P2RX4: variants seen among roughly 807,000 people sequenced by gnomAD.
P2RX4 encodes the protein P2X purinoceptor 4.
Under a neutral mutation model 48.0 loss-of-function variants are expected in P2RX4, and 37 were observed. The ratio of observed to expected loss-of-function variants is 0.77; its 90% CI spans 0.59 to 1.01. The LOEUF (loss-of-function observed/expected upper bound fraction) is 1.01. Ranked by LOEUF, P2RX4 falls within the 50% of genes least tolerant of loss-of-function variation. The probability of loss-of-function intolerance (pLI) is 0.00; values close to 1 mark genes in which losing one functional copy is unlikely to be tolerated. For synonymous variants in P2RX4, 200 were observed against 199.7 expected, an observed-to-expected ratio of 1.00 and a Z score of -0.01; for missense variants, 501 against 521.4, an observed-to-expected ratio of 0.96 and a Z score of 0.38.
intron 2 of P2RX4, among the ~76,000 whole-genome samples, chr12:121,219,768 T>C (rs901902050): frequency 6.6e-6 from 1 of 151,886 alleles, no homozygotes; most frequent in African/African-American, 2.4e-5. Flanking sequence ...GATGATAGGA[T>C]AGATTAGATA....
chr12:121,212,227 C>G (rs1885910931), intron 1 of P2RX4, among the ~76,000 whole-genome samples: 1 of 152,112 alleles, frequency 6.6e-6, no homozygotes, highest in African/African-American at 2.4e-5. Flanking sequence ...GCAGTAGATA[C>G]AGACAGTATT....
At chr12:121,213,380 A>G (rs1323663272) in intron 1 of P2RX4, 1 of 152,158 alleles carries the variant, frequency 6.6e-6, no homozygotes, top group African/African-American at 2.4e-5. Context: ...GAGAGCTGTG[A>G]TCACACCACC....
intron 1 of P2RX4, chr12:121,213,958 G>A (rs571700740): frequency 1.3e-5 from 2 of 152,124 alleles, no homozygotes; most frequent in Non-Finnish European, 2.9e-5. Flanking sequence ...CCAATACTTT[G>A]GGAGGCTGAG....
chr12:121,228,406 ACACAC>A, intron 5 of P2RX4, 122 bp from the exon 6 acceptor site: 1 of 254,756 alleles, frequency 3.9e-6, no homozygotes, highest in Non-Finnish European at 7.2e-6. Context: ...ATATATATAT[ACACAC>A]ACACACACAC....
chr12:121,219,620 GATAGATAGATAGATAGATAGATA>G lies in P2RX4; in HGVS notation c.283-2292_283-2270del, dbSNP rs1566001910. Among the ~76,000 whole-genome samples, 585 of 111,290 alleles carry G rather than the reference GATAGATAGATAGATAGATAGATA, an allele frequency of 5.3e-3. 6 individuals are homozygous for G. Among genetic ancestry groups the G allele is most frequent in the African/African-American group, 0.02 (562 of 28,234 alleles). The allele number at this position is 111,290 out of a possible 152,430, so 73.0% of individuals were successfully genotyped here. On this transcript the variant is annotated intron_variant, in intron 2 of 11. Transcript: ENST00000337233. The stretch of plus-strand genomic sequence containing the variant: ...GGATGGATGGATGGATGGATGGATA[GATAGATAGATAGATAGATAGATA>G]GATAGATAGATAGATGGAAAGAAAG...
rs1887526690 is a variant in P2RX4 at position 121,233,714 on chromosome 12, G to A, written c.*165G>A. 2 of 1,483,844 alleles carry A rather than the reference G, an allele frequency of 1.3e-6. No individual in the cohort carries two copies. The highest frequency in any genetic ancestry group is 2.8e-5 in the African/African-American group (2 of 71,626). The allele number at this position is 1,483,844 out of a possible 1,614,324, so 91.9% of individuals were successfully genotyped here. A position where few individuals can be genotyped will look rare whatever the true frequency, so the allele number is the denominator to read the frequency against. ...AGCAGCTCCTGTGTGTTGTGTGCAG[G>A]ATCTGTTTGCCCACTCGGCCCAGGA... On this transcript the variant is annotated 3_prime_UTR_variant, in exon 12 of 12. Coordinates refer to ENST00000337233, the MANE Select transcript of P2RX4 (RefSeq NM_002560.3).
chr12:121,226,884 G>T (rs1217658010), intron 5 of P2RX4, among the ~76,000 whole-genome samples: 1 of 151,960 alleles, frequency 6.6e-6, no homozygotes, highest in African/African-American at 2.4e-5. Context: ...AGACCGAGGT[G>T]GGTGGATCAT....
At chr12:121,221,887 T>A (rs200741523) in intron 2 of P2RX4, 26 bp from the exon 3 acceptor site, 1 of 1,610,606 alleles carries the variant, frequency 6.2e-7, no homozygotes, top group Non-Finnish European at 8.5e-7. Context: ...TGAGCGTGGC[T>A]TGCCCGTGCT....
intron 5 of P2RX4, 122 bp from the exon 6 acceptor site, chr12:121,228,405 TACACAC>T (rs750441530): frequency 8.6e-6 from 2 of 231,994 alleles, no homozygotes; most frequent in Admixed American, 6.4e-5. Context: ...TATATATATA[TACACAC>T]ACACACACAC....
intron 5 of P2RX4, among the ~76,000 whole-genome samples, chr12:121,226,387 T>C (rs2136237534): frequency 6.6e-6 from 1 of 151,584 alleles, no homozygotes; most frequent in South Asian, 2.1e-4. Flanking sequence ...CTACTAAAAA[T>C]ATAAAAATTA....
intron 2 of P2RX4, among the ~76,000 whole-genome samples, chr12:121,218,718 A>C (rs1324973074): frequency 6.6e-6 from 1 of 152,122 alleles, no homozygotes; most frequent in African/African-American, 2.4e-5. Context: ...TCCGTGGTGG[A>C]TCTGGGCGGG....
chr12:121,232,742 C>A lies in P2RX4; in HGVS notation c.1044+66C>A. The A allele has an allele frequency of 7.4e-7, 1 of 1,353,854 alleles. No homozygotes were observed. Among genetic ancestry groups the A allele is most frequent in the Non-Finnish European group, 1.1e-6 (1 of 944,368 alleles). 83.9% of individuals were successfully genotyped at this position (1,353,854 alleles called of 1,614,324 possible). A position where few individuals can be genotyped will look rare whatever the true frequency, so the allele number is the denominator to read the frequency against. ...GAGACCCTGGGCTGGGGTCCTGGTC[C>A]TGGCCCTAGGCCCTAGACCTCAGAT... is the stretch of plus-strand genomic sequence containing the variant. On this transcript the variant is annotated intron_variant, in intron 10 of 11. Transcript: ENST00000337233. This position sits in a 1 kb window ranked among gnomAD's most constrained non-coding sequence, Gnocchi z 4.3.
At chr12:121,217,991 G>A (rs953886619) in intron 2 of P2RX4, among the ~76,000 whole-genome samples, 11 of 152,092 alleles carry the variant, frequency 7.2e-5, no homozygotes, top group Non-Finnish European at 1.3e-4. Context: ...AGTCAAACCC[G>A]ACATAGCCCT....
intron 2 of P2RX4, among the ~76,000 whole-genome samples, chr12:121,217,867 C>G (rs1053985755): frequency 6.6e-6 from 1 of 151,876 alleles, no homozygotes; most frequent in Non-Finnish European, 1.5e-5. Flanking sequence ...CCATCGGGAG[C>G]GAAAGGAAGG....
At chr12:121,211,974 C>T (rs999750885) in intron 1 of P2RX4, among the ~76,000 whole-genome samples, 4 of 152,230 alleles carry the variant, frequency 2.6e-5, no homozygotes, top group African/African-American at 9.6e-5. Flanking sequence ...CGCGCCCAGA[C>T]GCATCCCCAG....
intron 1 of P2RX4, chr12:121,215,787 C>G (rs553098587): frequency 9.2e-5 from 14 of 152,314 alleles, no homozygotes; most frequent in Middle Eastern, 3.4e-3. Flanking sequence ...GATCTTCCCC[C>G]CTTGACCTCC....
At chr12:121,228,461 A>G in intron 5 of P2RX4, 72 bp from the exon 6 acceptor site, 1 of 782,718 alleles carries the variant, frequency 1.3e-6, no homozygotes, top group Non-Finnish European at 2.1e-6. Flanking sequence ...GTGTGTATAT[A>G]TATATATATA....
chr12:121,223,390 C>A (rs543368555), intron 5 of P2RX4: 60 of 333,100 alleles, frequency 1.8e-4, no homozygotes, highest in African/African-American at 1.3e-3. Context: ...GCCACCACAC[C>A]CAGCCGGAAG....
chr12:121,232,709 G>C lies in P2RX4; in HGVS notation c.1044+33G>C. The C allele has an allele frequency of 6.4e-7, 1 of 1,561,142 alleles. No homozygotes were observed. The highest frequency in any genetic ancestry group is 8.8e-7 in the Non-Finnish European group (1 of 1,131,924). On this transcript the variant is annotated intron_variant, in intron 10 of 11. Transcript: ENST00000337233. The surrounding 1 kb of genome is among the most constrained non-coding windows in gnomAD (Gnocchi z 4.3). The stretch of plus-strand genomic sequence containing the variant: ...GTTTAGGCCCTGCCTTCACCCTCAC[G>C]GTGAGGTGAGACCCTGGGCTGGGGT...
Sources: allele counts gnomAD v4.1 joint callset (sites outside exome capture counted in the v4.1 genomes callset), GRCh38; gene constraint gnomAD v4.1.1; non-coding constraint Gnocchi (gnomAD v3.1); transcripts MANE v1.5; gene names NCBI Gene and HGNC (gene_info 2026-07-23, HGNC 2026-07-21).